Variants in SLCO3A1 observed in about 807,000 individuals in gnomAD.
SLCO3A1 encodes the protein PGE1 transporter.
In SLCO3A1, 27 loss-of-function variants were observed where a neutral mutation model predicts 63.1. The ratio of observed to expected loss-of-function variants is 0.43; its 90% CI spans 0.32 to 0.59. The LOEUF (loss-of-function observed/expected upper bound fraction) is 0.59. Among genes scored for constraint, SLCO3A1 ranks in the 20% least tolerant of loss-of-function variants. SLCO3A1 has a pLI of 0.09. For synonymous variants in SLCO3A1, 473 were observed against 409.9 expected, an observed-to-expected ratio of 1.15 and a Z score of -1.86; for missense variants, 773 against 945.8, an observed-to-expected ratio of 0.82 and a Z score of 2.40.
intron 2 of SLCO3A1, among the ~76,000 whole-genome samples, chr15:91,984,135 C>T (rs2046021293): frequency 6.6e-6 from 1 of 152,144 alleles, no homozygotes; most frequent in African/African-American, 2.4e-5. Flanking sequence ...GGGGTTTGTG[C>T]TTTCCTGTTT....
intron 2 of SLCO3A1, among the ~76,000 whole-genome samples, chr15:91,994,307 T>A (rs2046163830): frequency 6.6e-6 from 1 of 152,234 alleles, no homozygotes. Context: ...GAGATTATAT[T>A]TACTTTTTAA....
intron 2 of SLCO3A1, among the ~76,000 whole-genome samples, chr15:92,047,932 C>A (rs1479929831): frequency 6.6e-6 from 1 of 151,708 alleles, no homozygotes; most frequent in Non-Finnish European, 1.5e-5. Flanking sequence ...CAACGGATGC[C>A]CAGAACCTTG....
chr15:92,072,919 T>C (rs964095370), intron 2 of SLCO3A1, among the ~76,000 whole-genome samples: 5 of 152,182 alleles, frequency 3.3e-5, no homozygotes, highest in Non-Finnish European at 5.9e-5. Flanking sequence ...CATATTTTTT[T>C]TGAGGATCGT....
intron 2 of SLCO3A1, among the ~76,000 whole-genome samples, chr15:92,062,551 C>T (rs1482274654): frequency 6.6e-6 from 1 of 152,102 alleles, no homozygotes; most frequent in Non-Finnish European, 1.5e-5. Flanking sequence ...GTTGGCAGCA[C>T]CTTAGAAGGC....
intron 2 of SLCO3A1, among the ~76,000 whole-genome samples, chr15:92,064,929 G>A (rs1244616160): frequency 6.6e-6 from 1 of 152,110 alleles, no homozygotes; most frequent in African/African-American, 2.4e-5. Flanking sequence ...TTAGAGAGAA[G>A]AAATACATTT....
intron 1 of SLCO3A1, among the ~76,000 whole-genome samples, chr15:91,902,865 A>G (rs985122736): frequency 1.3e-5 from 2 of 152,216 alleles, no homozygotes; most frequent in Admixed American, 1.3e-4. Flanking sequence ...TCGGCAAATT[A>G]CTAGACCTTG....
chr15:91,979,722 A>G (rs540304109), intron 2 of SLCO3A1, among the ~76,000 whole-genome samples: 7 of 152,368 alleles, frequency 4.6e-5, no homozygotes, highest in Non-Finnish European at 8.8e-5. Context: ...TAATAATAGT[A>G]TCTATGTCCT....
intron 2 of SLCO3A1, among the ~76,000 whole-genome samples, chr15:92,068,655 A>G (rs936062222): frequency 2.0e-5 from 3 of 152,216 alleles, no homozygotes; most frequent in Non-Finnish European, 4.4e-5. Flanking sequence ...CTCATACTAA[A>G]GCAAGCCTCT....
In SLCO3A1 at chr15:92,135,881, G is replaced by T. The variant is rs2048051221; in HGVS notation, c.1512+7392G>T. Among the ~76,000 whole-genome samples the T allele has an allele frequency of 2.0e-5, 3 of 152,254 alleles. 1 individual carries two copies. The highest frequency in any genetic ancestry group is 4.4e-5 in the Non-Finnish European group (3 of 68,028). On this transcript the variant is annotated intron_variant, in intron 7 of 9. Coordinates refer to ENST00000318445, the MANE Select transcript of SLCO3A1 (RefSeq NM_013272.4). Reference sequence around the variant, plus strand: ...CCCTTTATGAACATTTCTAGAAACTGCCAGAGCCAGGCATGGTGGCATGCC... The same window carrying T: ...CCCTTTATGAACATTTCTAGAAACTTCCAGAGCCAGGCATGGTGGCATGCC...
At chr15:92,158,939 T>C (rs1052285828) in intron 9 of SLCO3A1, among the ~76,000 whole-genome samples, 1 of 152,232 alleles carries the variant, frequency 6.6e-6, no homozygotes, top group Non-Finnish European at 1.5e-5. Context: ...ACAAAGGTTA[T>C]ACTTAAGGTA....
At chr15:91,923,272 C>G (rs1029095153) in intron 2 of SLCO3A1, among the ~76,000 whole-genome samples, 5 of 152,224 alleles carry the variant, frequency 3.3e-5, no homozygotes, top group Non-Finnish European at 7.3e-5. Context: ...GAAATTAAGG[C>G]ACAGATGGAT....
chr15:92,166,385 C>G (rs1400226790), downstream of SLCO3A1, among the ~76,000 whole-genome samples: 2 of 152,190 alleles, frequency 1.3e-5, no homozygotes, highest in East Asian at 3.8e-4. Flanking sequence ...TTGCTAACGT[C>G]TTCCTAGCAG....
Position 91,886,594 on chromosome 15 carries a change from A to G in SLCO3A1, c.181-29399A>G, listed in dbSNP as rs143982269. Among the ~76,000 whole-genome samples the G allele has an allele frequency of 1.6e-4, 24 of 152,322 alleles. No homozygotes were observed. Among genetic ancestry groups the G allele is most frequent in the African/African-American group, 4.6e-4 (19 of 41,572 alleles). ...TCAGTGTTGTTTCTACGGTGTGACC[A>G]TATTTGATGTGCTTACTGATTCCTA... On this transcript the variant is annotated intron_variant, in intron 1 of 9. Coordinates refer to ENST00000318445, the MANE Select transcript of SLCO3A1 (RefSeq NM_013272.4). This position sits in a 1 kb window ranked among gnomAD's most constrained non-coding sequence, Gnocchi z 4.9.
In SLCO3A1 at chr15:92,033,799, A is replaced by G. The variant is rs1423431022; in HGVS notation, c.647-61082A>G. On this transcript the variant is annotated intron_variant, in intron 2 of 9. Coordinates refer to ENST00000318445, the MANE Select transcript of SLCO3A1 (RefSeq NM_013272.4). The surrounding 1 kb of genome is among the most constrained non-coding windows in gnomAD (Gnocchi z 4.5). Reference sequence around the variant, plus strand: ...GGGCAGGTCTCACTGAGGTTTTGGCATGTGTGTAAAGACATCAAGGGAGTG... The same window carrying G: ...GGGCAGGTCTCACTGAGGTTTTGGCGTGTGTGTAAAGACATCAAGGGAGTG... Among the ~76,000 whole-genome samples, 1 of 152,156 alleles carries G rather than the reference A, an allele frequency of 6.6e-6. No individual in the cohort carries two copies. The highest frequency in any genetic ancestry group is 6.5e-5 in the Admixed American group (1 of 15,280).
chr15:91,907,247 C>A (rs1234554983), intron 1 of SLCO3A1, among the ~76,000 whole-genome samples: 1 of 151,952 alleles, frequency 6.6e-6, no homozygotes, highest in Admixed American at 6.6e-5. Context: ...CACTCTGTTG[C>A]CCAGGCTGGA....
intron 2 of SLCO3A1, among the ~76,000 whole-genome samples, chr15:91,951,167 C>A (rs1394063558): frequency 1.3e-5 from 2 of 152,186 alleles, no homozygotes; most frequent in Non-Finnish European, 2.9e-5. Flanking sequence ...TCACCATTAT[C>A]TAATTCTACA....
At chr15:92,102,148 T>G (rs1429687023) in intron 3 of SLCO3A1, among the ~76,000 whole-genome samples, 1 of 152,170 alleles carries the variant, frequency 6.6e-6, no homozygotes, top group Non-Finnish European at 1.5e-5. Context: ...AGGGAAATAC[T>G]TCAGCTCCCT....
intron 2 of SLCO3A1, among the ~76,000 whole-genome samples, chr15:92,015,716 A>G (rs529104694): frequency 6.6e-6 from 1 of 152,130 alleles, no homozygotes; most frequent in Non-Finnish European, 1.5e-5. Flanking sequence ...TGCTAAGGGT[A>G]ACTGTTGTGG....
chr15:92,142,860 C>G (rs1372089857), intron 7 of SLCO3A1, among the ~76,000 whole-genome samples: 1 of 152,204 alleles, frequency 6.6e-6, no homozygotes, highest in East Asian at 1.9e-4. Context: ...GGCCAGTTTC[C>G]TCTTTTATGG....
Sources: allele counts gnomAD v4.1 joint callset (sites outside exome capture counted in the v4.1 genomes callset), GRCh38; gene constraint gnomAD v4.1.1; non-coding constraint Gnocchi (gnomAD v3.1); transcripts MANE v1.5; gene names NCBI Gene and HGNC (gene_info 2026-07-23, HGNC 2026-07-21).